Variants in POLR3F observed in about 807,000 individuals in gnomAD.
The protein encoded by POLR3F is DNA-directed RNA polymerase III subunit RPC6.
POLR3F carries 31 observed loss-of-function variants against 43.6 expected under a neutral mutation model. The observed-to-expected ratio is 0.71, with a 90% CI of 0.53 to 0.96. POLR3F has a LOEUF of 0.96. Among genes scored for constraint, POLR3F ranks in the 40% least tolerant of loss-of-function variants. The pLI is 0.00. For synonymous variants in POLR3F, 114 were observed against 132.5 expected, an observed-to-expected ratio of 0.86 and a Z score of 0.96; for missense variants, 316 against 391.7, an observed-to-expected ratio of 0.81 and a Z score of 1.63.
intron 5 of POLR3F, among the ~76,000 whole-genome samples, chr20:18,479,649 AAAAT>A (rs1316301534): frequency 6.6e-6 from 1 of 152,228 alleles, no homozygotes; most frequent in African/African-American, 2.4e-5. Flanking sequence ...ATCAAAGTAT[AAAAT>A]AAATACTCAT....
rs779641519 is a variant in POLR3F, at chr20:18,469,030, G to A, written c.149G>A (p.Arg50Gln). ...NEMPHIEAQQ[R>Q]AVAINRLLSM... ...ATGCCTCATATAGAAGCCCAGCAGC[G>A]GGCAGTAGCCATCAATAGGTTGTTG... Residue 50 changes from arginine (R) to glutamine (Q), a missense_variant, in exon 2 of 9, where the codon CGG (arginine) becomes CAG (glutamine). By Grantham distance (43) the Arg-to-Gln change is conservative. Coordinates refer to ENST00000377603, the MANE Select transcript of POLR3F (RefSeq NM_006466.4). 12 of 1,579,788 alleles carry A rather than the reference G, an allele frequency of 7.6e-6. No homozygotes were observed. In the South Asian group the frequency reaches 7.7e-5, roughly 10 times the overall value.
chr20:18,468,014 G>C (rs770436427), intron 1 of POLR3F, among the ~76,000 whole-genome samples: 1 of 152,180 alleles, frequency 6.6e-6, no homozygotes, highest in African/African-American at 2.4e-5. Flanking sequence ...CATTAAGCCA[G>C]GTGGTTTCAG....
intron 1 of POLR3F, among the ~76,000 whole-genome samples, chr20:18,468,157 A>G (rs943543912): frequency 1.3e-5 from 2 of 152,108 alleles, no homozygotes; most frequent in South Asian, 2.1e-4. Context: ...GTTCACTGCA[A>G]TCTCCGCCTC....
chr20:18,472,614 A>G (rs1448182969), intron 2 of POLR3F, among the ~76,000 whole-genome samples: 1 of 151,902 alleles, frequency 6.6e-6, no homozygotes, highest in Non-Finnish European at 1.5e-5. Context: ...GATTTTTAAT[A>G]TAGATTGTTA....
chr20:18,473,571 G>A (rs1466363793), intron 4 of POLR3F, 113 bp downstream of exon 4: 3 of 510,068 alleles, frequency 5.9e-6, no homozygotes, highest in African/African-American at 3.8e-5. Flanking sequence ...ACTGAGGAAG[G>A]TAATAGAACA....
intron 5 of POLR3F, among the ~76,000 whole-genome samples, chr20:18,478,660 A>G (rs2059793184): frequency 6.6e-6 from 1 of 152,212 alleles, no homozygotes; most frequent in South Asian, 2.1e-4. Context: ...GTAATTTAAT[A>G]TAAATAATAT....
intron 5 of POLR3F, among the ~76,000 whole-genome samples, chr20:18,476,846 G>A (rs180848536): frequency 1.6e-4 from 24 of 152,174 alleles, no homozygotes; most frequent in African/African-American, 5.5e-4. Context: ...AGGCCAAGGC[G>A]GGTGGATCAC....
intron 7 of POLR3F, 22 bp from the exon 8 acceptor site, chr20:18,481,597 T>G (rs2059810002): frequency 1.3e-6 from 2 of 1,529,268 alleles, no homozygotes; most frequent in African/African-American, 2.7e-5. Flanking sequence ...CTTGTGTCCT[T>G]TCTGATGTAT....
At chr20:18,477,551 A>T (rs1156531500) in intron 5 of POLR3F, among the ~76,000 whole-genome samples, 2 of 152,244 alleles carry the variant, frequency 1.3e-5, no homozygotes, top group Non-Finnish European at 2.9e-5. Flanking sequence ...ACTGGAAGCA[A>T]CCAAGGTATC....
chr20:18,469,572 G>A (rs974060180), intron 2 of POLR3F, among the ~76,000 whole-genome samples: 2 of 152,310 alleles, frequency 1.3e-5, no homozygotes, highest in East Asian at 1.9e-4. Flanking sequence ...TTTCAAGAGG[G>A]AGGTGTATCC....
chr20:18,477,917 A>T (rs1454134837), intron 5 of POLR3F, among the ~76,000 whole-genome samples: 1 of 152,010 alleles, frequency 6.6e-6, no homozygotes, highest in African/African-American at 2.4e-5. Flanking sequence ...TTATACAGGC[A>T]TGATTGATTG....
Position 18,481,657 on chromosome 20 carries a change from T to C in POLR3F, c.720T>C (p.Asn240=). 1 of 1,613,022 alleles carries C rather than the reference T, an allele frequency of 6.2e-7. No individual in the cohort carries two copies. Among genetic ancestry groups the C allele is most frequent in the Non-Finnish European group, 8.5e-7 (1 of 1,178,958 alleles). The part of the protein sequence containing the change: ...LSMEDIETIL[N]TLIYDGKVEM... ...TGGAAGACATTGAAACCATCCTGAA[T>C]ACACTCATTTATGATGGAAAAGTGG... Residue 240 remains asparagine, a synonymous_variant, in exon 8 of 9, where the codon AAT becomes AAC. Coordinates refer to ENST00000377603, the MANE Select transcript of POLR3F (RefSeq NM_006466.4).
chr20:18,474,866 A>G (rs2059771954), intron 4 of POLR3F, among the ~76,000 whole-genome samples: 1 of 152,170 alleles, frequency 6.6e-6, no homozygotes, highest in Non-Finnish European at 1.5e-5. Flanking sequence ...GGATTCCAAG[A>G]AATTTCTAGT....
Position 18,483,546 on chromosome 20 carries a change from G to C in POLR3F, c.939G>C (p.Trp313Cys), listed in dbSNP as rs748092463. 1 of 1,478,914 alleles carries C rather than the reference G, an allele frequency of 6.8e-7. No individual in the cohort carries two copies. Among genetic ancestry groups the C allele is most frequent in the Non-Finnish European group, 9.3e-7 (1 of 1,080,784 alleles). 91.6% of individuals were successfully genotyped at this position (1,478,914 alleles called of 1,614,324 possible). ...CTAACTGTATTTACATGACAGAGTG[G>C]CTCGAATTTTAATAGAGAGCTATGA... ...SPSNCIYMTE[W>C]LEF Residue 313 changes from tryptophan (W) to cysteine (C), a missense_variant, in exon 9 of 9, where the codon TGG (tryptophan) becomes TGC (cysteine). By Grantham distance (215) the Trp-to-Cys change is radical. This residue lies in a region of POLR3F where 85 missense variants were observed against 80.2 expected (regional missense o/e 1.06). Transcript: ENST00000377603.
intron 2 of POLR3F, chr20:18,469,416 ACT>A: frequency 1.0e-5 from 2 of 190,824 alleles, no homozygotes; most frequent in South Asian, 1.0e-4. Context: ...AGACCTTCAG[ACT>A]TGGACTGGTA....
At chr20:18,474,936 C>T (rs2059772380) in intron 4 of POLR3F, 139 bp from the exon 5 acceptor site, 1 of 498,144 alleles carries the variant, frequency 2.0e-6, no homozygotes. Context: ...TATTGTTTAG[C>T]ATACTTTTGC....
chr20:18,476,480 C>T (rs2059781005), intron 5 of POLR3F, among the ~76,000 whole-genome samples: 1 of 152,168 alleles, frequency 6.6e-6, no homozygotes, highest in African/African-American at 2.4e-5. Context: ...ACCTTTTGTT[C>T]ATTCATCCGT....
chr20:18,475,740 A>C (rs987096779), intron 5 of POLR3F, among the ~76,000 whole-genome samples: 2 of 152,228 alleles, frequency 1.3e-5, no homozygotes, highest in African/African-American at 4.8e-5. Flanking sequence ...GCTTCAATAC[A>C]CATTTCATAA....
At chr20:18,469,156 G>A in intron 2 of POLR3F, 95 bp downstream of exon 2, 1 of 735,024 alleles carries the variant, frequency 1.4e-6, no homozygotes, top group Non-Finnish European at 2.5e-6. Context: ...ATGTCAACTT[G>A]ACTAAGATAC....
Sources: gnomAD v4.1 joint callset for allele counts (sites outside exome capture counted in the v4.1 genomes callset) on GRCh38, gnomAD v4.1.1 for gene constraint, gnomAD v4.1.1 regional missense constraint, MANE v1.5 for transcripts, NCBI Gene and HGNC (gene_info 2026-07-23, HGNC 2026-07-21) for gene names.